Variants in GKAP1 observed in about 807,000 individuals in gnomAD.
The protein encoded by GKAP1 is G kinase-anchoring protein 1.
A neutral mutation model predicts 56.7 loss-of-function variants in GKAP1; 31 were observed. That is an observed-to-expected ratio of 0.55 (90% CI 0.41 to 0.74). The LOEUF is 0.74. Among genes scored for constraint, GKAP1 ranks in the 30% least tolerant of loss-of-function variants. GKAP1 has a pLI of 0.00. For synonymous variants in GKAP1, 151 were observed against 138.6 expected (o/e 1.09, Z -0.63); for missense variants, 364 against 402.3 (o/e 0.90, Z 0.82).
In GKAP1 at chr9:83,743,561, C is replaced by T. The variant is rs1278642987; in HGVS notation, c.905-961G>A. 4.6e-5 allele frequency among the ~76,000 whole-genome samples: 7 copies of T among 152,178 alleles called. 1 individual carries two copies. Among genetic ancestry groups the T allele is most frequent in the Admixed American group, 4.6e-4 (7 of 15,286 alleles). On this transcript the variant is annotated intron_variant, in intron 10 of 12. Transcript: ENST00000376371. ...AGTAAGCCAAGCTCACGCCACTGGA[C>T]TCCAGCCTGGGTGACAGAGTGAGAT...
chr9:83,784,931 A>G, intron 5 of GKAP1, 93 bp from the exon 6 acceptor site: 1 of 1,083,976 alleles, frequency 9.2e-7, no homozygotes, highest in Non-Finnish European at 1.3e-6. Flanking sequence ...TTTATTTTTT[A>G]AAGATAAAAG....
At chr9:83,804,785 G>A (rs867601736) in intron 3 of GKAP1, among the ~76,000 whole-genome samples, 13 of 142,942 alleles carry the variant, frequency 9.1e-5, no homozygotes, top group East Asian at 4.4e-4. Context: ...CTGCCCGGCC[G>A]CCCCTACTGG....
intron 3 of GKAP1, among the ~76,000 whole-genome samples, chr9:83,801,957 T>A (rs1944338135): frequency 1.3e-5 from 2 of 152,174 alleles, no homozygotes; most frequent in African/African-American, 4.8e-5. Context: ...CTGAAAAGGC[T>A]TTTTTCTAAG....
rs1168792305 is a variant in GKAP1 at position 83,774,702 on chromosome 9, CTT to C, written c.585+5678_585+5679del. 7.6e-5 allele frequency among the ~76,000 whole-genome samples: 8 copies of C among 104,902 alleles called. No individual in the cohort carries two copies. In the East Asian group the frequency reaches 1.3e-3, roughly 17 times the overall value. 68.8% of individuals were successfully genotyped at this position (104,902 alleles called of 152,430 possible). On this transcript the variant is annotated intron_variant, in intron 7 of 12. Coordinates refer to ENST00000376371, the MANE Select transcript of GKAP1 (RefSeq NM_025211.4). The stretch of plus-strand genomic sequence containing the variant: ...GAAACTATCAATAAACAGAAACCCC[CTT>C]TTTTTTTTTTTTTTTTTTTTTTTTG...
intron 9 of GKAP1, among the ~76,000 whole-genome samples, chr9:83,749,553 C>T (rs567762981): frequency 1.3e-5 from 2 of 152,156 alleles, no homozygotes; most frequent in East Asian, 1.9e-4. Flanking sequence ...AGATTTAATA[C>T]ATTAATACAT....
Position 83,804,661 on chromosome 9 carries a change from G to A in GKAP1, c.216+1641C>T, listed in dbSNP as rs963513500. Among the ~76,000 whole-genome samples the A allele has an allele frequency of 2.2e-4, 32 of 145,978 alleles. 1 individual carries two copies. Among genetic ancestry groups the A allele is most frequent in the Non-Finnish European group, 4.4e-4 (29 of 65,676 alleles). On this transcript the variant is annotated intron_variant, in intron 3 of 12. Transcript: ENST00000376371. ...CCCCGCCTGGCCAGCCGCCCCGTCC[G>A]GGAGGGAGGTGGGGGGGTCCAGCCC...
intron 12 of GKAP1, among the ~76,000 whole-genome samples, chr9:83,741,555 T>C (rs747705913): frequency 7.2e-5 from 11 of 152,080 alleles, no homozygotes; most frequent in Non-Finnish European, 1.6e-4. Context: ...AGGGTATTCA[T>C]ACAATCTTAA....
chr9:83,760,859 T>C (rs1943557591), intron 8 of GKAP1, among the ~76,000 whole-genome samples: 1 of 151,748 alleles, frequency 6.6e-6, no homozygotes, highest in South Asian at 2.1e-4. Flanking sequence ...TGGAATACAA[T>C]AAATGCAGTA....
At chr9:83,753,209 T>G (rs774255758) in intron 9 of GKAP1, 49 bp downstream of exon 9, 1 of 1,120,608 alleles carries the variant, frequency 8.9e-7, no homozygotes, top group Non-Finnish European at 1.3e-6. Context: ...ACAGAAAACG[T>G]GAAAATTTAT....
chr9:83,805,961 G>A (rs1372511922), intron 3 of GKAP1, among the ~76,000 whole-genome samples: 2 of 152,082 alleles, frequency 1.3e-5, no homozygotes, highest in Non-Finnish European at 2.9e-5. Flanking sequence ...TACAAAAAAC[G>A]CAAAAATTAG....
intron 3 of GKAP1, among the ~76,000 whole-genome samples, chr9:83,802,744 T>C (rs967869010): frequency 6.6e-6 from 1 of 151,876 alleles, no homozygotes. Context: ...ACAGGACTGC[T>C]TGAACCCAGG....
At chr9:83,744,703 C>T (rs1413413663) in intron 10 of GKAP1, among the ~76,000 whole-genome samples, 1 of 152,010 alleles carries the variant, frequency 6.6e-6, no homozygotes, top group African/African-American at 2.4e-5. Flanking sequence ...TTCTTTGAGA[C>T]AGGTGTATTA....
Position 83,806,563 on chromosome 9 carries a change from G to T in GKAP1, c.-43-3C>A. The T allele has an allele frequency of 1.3e-6, 2 of 1,544,772 alleles. No individual in the cohort carries two copies. Among genetic ancestry groups the T allele is most frequent in the Non-Finnish European group, 1.8e-6 (2 of 1,126,280 alleles). On this transcript the variant is annotated splice_polypyrimidine_tract_variant and splice_region_variant and intron_variant, in intron 2 of 12. Coordinates refer to ENST00000376371, the MANE Select transcript of GKAP1 (RefSeq NM_025211.4). ...AATACTTCTGTCAAGAATAATTTCTGTGGGGAGGCAGAAGAGTAGGCAGAT... is the reference window on the plus strand; with the variant it reads ...AATACTTCTGTCAAGAATAATTTCTTTGGGGAGGCAGAAGAGTAGGCAGAT...
intron 3 of GKAP1, among the ~76,000 whole-genome samples, chr9:83,801,418 C>G (rs1457983216): frequency 6.6e-6 from 1 of 150,858 alleles, no homozygotes; most frequent in Non-Finnish European, 1.5e-5. Context: ...TTTAAGGCAG[C>G]CCTGAGAAAC....
chr9:83,764,001 A>G (rs1943619578), intron 8 of GKAP1, among the ~76,000 whole-genome samples: 1 of 152,220 alleles, frequency 6.6e-6, no homozygotes, highest in Non-Finnish European at 1.5e-5. Context: ...GAACCTAAGT[A>G]TGTCCTGAAA....
intron 2 of GKAP1, among the ~76,000 whole-genome samples, chr9:83,812,331 G>T (rs574778504): frequency 2.1e-5 from 3 of 144,988 alleles, no homozygotes; most frequent in Non-Finnish European, 4.5e-5. Context: ...ATATACACAC[G>T]TATATATATA....
rs563265054 is a variant in GKAP1 at position 83,784,649 on chromosome 9, T to C, written c.562+66A>G. 1.2e-3 allele frequency: 1,300 copies of C among 1,113,090 alleles called. 4 individuals are homozygous for C. Among genetic ancestry groups the C allele is most frequent in the Non-Finnish European group, 1.5e-3 (1,191 of 803,584 alleles). 69.0% of individuals were successfully genotyped at this position (1,113,090 alleles called of 1,614,324 possible). Reference sequence around the variant, plus strand: ...ATTGTTTAAAAATTAGAAAGACATTTACAACTGAAGTATAAAACAGATGTA... The same window carrying C: ...ATTGTTTAAAAATTAGAAAGACATTCACAACTGAAGTATAAAACAGATGTA... On this transcript the variant is annotated intron_variant, in intron 6 of 12. Transcript: ENST00000376371.
At chr9:83,753,474 A>T in intron 8 of GKAP1, 115 bp from the exon 9 acceptor site, 1 of 692,942 alleles carries the variant, frequency 1.4e-6, no homozygotes, top group Non-Finnish European at 2.5e-6. Context: ...TTCTGAGGCC[A>T]CCTTATGCTG....
chr9:83,753,989 T>C (rs1376612438), intron 8 of GKAP1, among the ~76,000 whole-genome samples: 3 of 152,188 alleles, frequency 2.0e-5, no homozygotes, highest in East Asian at 3.8e-4. Context: ...CTTAAAAAGA[T>C]AGTAAAGACT....
Sources: gnomAD v4.1 joint callset for allele counts (sites outside exome capture counted in the v4.1 genomes callset) on GRCh38, gnomAD v4.1.1 for gene constraint, MANE v1.5 for transcripts, NCBI Gene and HGNC (gene_info 2026-07-23, HGNC 2026-07-21) for gene names.